RAP1GDS1: variants seen among roughly 807,000 people sequenced by gnomAD.
RAP1GDS1 encodes the protein RAP1, GTP-GDP dissociation stimulator 1.
Under a neutral mutation model 71.1 loss-of-function variants are expected in RAP1GDS1, and 35 were observed. The ratio of observed to expected loss-of-function variants is 0.49; its 90% CI spans 0.38 to 0.65. The LOEUF (loss-of-function observed/expected upper bound fraction) is 0.65, where lower values mean the gene tolerates loss of function less well. Among genes scored for constraint, RAP1GDS1 ranks in the 30% least tolerant of loss-of-function variants. RAP1GDS1 has a pLI of 0.00. For missense variants in RAP1GDS1, 663 were observed against 706.1 expected, an observed-to-expected ratio of 0.94 and a Z score of 0.69; for synonymous variants, 229 against 243.1, an observed-to-expected ratio of 0.94 and a Z score of 0.54.
At chr4:98,312,591 A>G (rs1362952682) in intron 2 of RAP1GDS1, among the ~76,000 whole-genome samples, 1 of 152,064 alleles carries the variant, frequency 6.6e-6, no homozygotes, top group Non-Finnish European at 1.5e-5. Context: ...CTTACTTGGA[A>G]ATCTTTGTTG....
At chr4:98,423,933 G>C (rs1298455883) in intron 12 of RAP1GDS1, among the ~76,000 whole-genome samples, 8 of 152,238 alleles carry the variant, frequency 5.3e-5, no homozygotes, top group Admixed American at 2.6e-4. Context: ...GTTGATAAAG[G>C]ACTGAATTAA....
At chr4:98,410,338 A>G (rs1397732192) in intron 7 of RAP1GDS1, among the ~76,000 whole-genome samples, 4 of 152,138 alleles carry the variant, frequency 2.6e-5, no homozygotes, top group Non-Finnish European at 4.4e-5. Context: ...GAAAATGTTC[A>G]CTCTTAGGTA....
intron 3 of RAP1GDS1, among the ~76,000 whole-genome samples, chr4:98,348,023 T>G (rs1736556890): frequency 6.6e-6 from 1 of 152,170 alleles, no homozygotes; most frequent in Non-Finnish European, 1.5e-5. Context: ...CGTGCAGGTT[T>G]GTTACATATG....
chr4:98,288,491 T>TA (rs1330565987), intron 1 of RAP1GDS1, among the ~76,000 whole-genome samples: 1 of 152,190 alleles, frequency 6.6e-6, no homozygotes, highest in Admixed American at 6.5e-5. Flanking sequence ...GCAGTAAACA[T>TA]ACGTGTGCAT....
intron 14 of RAP1GDS1, among the ~76,000 whole-genome samples, chr4:98,438,588 A>ATATATATATATATATTT (rs1214035409): frequency 1.2e-5 from 1 of 86,938 alleles, no homozygotes; most frequent in African/African-American, 7.6e-5. Context: ...ATATATATAT[A>ATATATATATATATATTT]TCTTTTTTTT....
rs142967017 is a variant in RAP1GDS1, at chr4:98,277,479, A to T, written c.4+15910A>T. On this transcript the variant is annotated intron_variant, in intron 1 of 14. Coordinates refer to ENST00000408927, the MANE Select transcript of RAP1GDS1 (RefSeq NM_001100427.2). ...ACTCTCTGGAACACATCTTCCTTTC[A>T]CTGTCCCCTATATTCTTCGTCATAA... Among the ~76,000 whole-genome samples the T allele has an allele frequency of 2.6e-3, 401 of 152,160 alleles. 3 individuals carry two copies. Among genetic ancestry groups the T allele is most frequent in the African/African-American group, 9.3e-3 (385 of 41,530 alleles).
chr4:98,395,187 ATAGTT>A (rs1395341432), intron 6 of RAP1GDS1, among the ~76,000 whole-genome samples: 2 of 152,276 alleles, frequency 1.3e-5, no homozygotes, highest in East Asian at 3.9e-4. Context: ...GATAGTTCAA[ATAGTT>A]TAATTTCTGA....
chr4:98,326,586 T>C (rs1053310707), intron 2 of RAP1GDS1, among the ~76,000 whole-genome samples: 3 of 152,234 alleles, frequency 2.0e-5, no homozygotes, highest in Non-Finnish European at 2.9e-5. Flanking sequence ...CTGTTTCTTT[T>C]ATGCCCTGTG....
At chr4:98,307,860 C>T (rs1729559504) in intron 2 of RAP1GDS1, among the ~76,000 whole-genome samples, 1 of 152,120 alleles carries the variant, frequency 6.6e-6, no homozygotes, top group African/African-American at 2.4e-5. Context: ...TTGGGTTAAG[C>T]TTCCAGTGAA....
intron 2 of RAP1GDS1, among the ~76,000 whole-genome samples, chr4:98,308,631 C>A (rs1729743654): frequency 6.6e-6 from 1 of 151,814 alleles, no homozygotes; most frequent in African/African-American, 2.4e-5. Flanking sequence ...AATAAGGGAA[C>A]CTTTTCATAA....
intron 2 of RAP1GDS1, among the ~76,000 whole-genome samples, chr4:98,333,465 A>T (rs1341516936): frequency 1.3e-5 from 2 of 152,060 alleles, no homozygotes; most frequent in Admixed American, 6.5e-5. Context: ...AGACCCAAAC[A>T]TATTTAGGCT....
At chr4:98,413,326 C>T (rs545499720) in intron 7 of RAP1GDS1, among the ~76,000 whole-genome samples, 3 of 151,922 alleles carry the variant, frequency 2.0e-5, no homozygotes, top group Non-Finnish European at 2.9e-5. Flanking sequence ...CCCACTAACT[C>T]GTCATCTAGC....
chr4:98,317,006 A>G lies in RAP1GDS1; in HGVS notation c.112+23491A>G, dbSNP rs73834425. Among the ~76,000 whole-genome samples, 757 of 152,238 alleles carry G rather than the reference A, an allele frequency of 5.0e-3. 7 individuals are homozygous for G. Among genetic ancestry groups the G allele is most frequent in the South Asian group, 0.018 (86 of 4,828 alleles). On this transcript the variant is annotated intron_variant, in intron 2 of 14. Coordinates refer to ENST00000408927, the MANE Select transcript of RAP1GDS1 (RefSeq NM_001100427.2). ...TTTTCCCAGTTGCTTTGCTCTGTCC[A>G]TATGGTTTGGGAGATTGTGATCCAT... is the stretch of plus-strand genomic sequence containing the variant.
intron 4 of RAP1GDS1, among the ~76,000 whole-genome samples, chr4:98,359,329 A>AT (rs1319570889): frequency 2.0e-5 from 3 of 152,190 alleles, no homozygotes; most frequent in Non-Finnish European, 4.4e-5. Context: ...GAACTCAAGT[A>AT]AACAGGTTGA....
At chr4:98,417,310 A>T in intron 8 of RAP1GDS1, 57 bp from the exon 9 acceptor site, 1 of 1,532,904 alleles carries the variant, frequency 6.5e-7, no homozygotes, top group South Asian at 1.2e-5. Flanking sequence ...AAGAATGTGA[A>T]TTTGTTACTC....
intron 2 of RAP1GDS1, among the ~76,000 whole-genome samples, chr4:98,328,657 A>C (rs75604650): frequency 0.075 from 11,361 of 152,222 alleles, 465 homozygotes; most frequent in Admixed American, 0.14. Context: ...TAATAAACAT[A>C]ACTTTCTCTG....
chr4:98,439,897 C>T (rs1284008593), intron 14 of RAP1GDS1, among the ~76,000 whole-genome samples: 1 of 152,176 alleles, frequency 6.6e-6, no homozygotes, highest in Non-Finnish European at 1.5e-5. Context: ...GCATTAAGGA[C>T]ATTCACATTG....
chr4:98,401,456 CAAAT>C (rs1027257370), intron 6 of RAP1GDS1, among the ~76,000 whole-genome samples: 12 of 151,882 alleles, frequency 7.9e-5, no homozygotes, highest in African/African-American at 2.7e-4. Context: ...TCAGAAATGC[CAAAT>C]AAACTAGCAG....
chr4:98,337,651 C>T, intron 2 of RAP1GDS1, among the ~76,000 whole-genome samples: 1 of 152,110 alleles, frequency 6.6e-6, no homozygotes. Flanking sequence ...AGTCAGATAA[C>T]ATTAAAAAGA....
Sources: allele counts gnomAD v4.1 joint callset (sites outside exome capture counted in the v4.1 genomes callset), GRCh38; gene constraint gnomAD v4.1.1; transcripts MANE v1.5; gene names NCBI Gene and HGNC (gene_info 2026-07-23, HGNC 2026-07-21).